The following KLF17 variants were observed in gnomAD, a reference collection of about 807,000 sequenced individuals.
KLF17 encodes the protein Krueppel-like factor 17.
KLF17 carries 31 observed loss-of-function variants against 34.2 expected under a neutral mutation model. The ratio of observed to expected loss-of-function variants is 0.91; its 90% confidence interval spans 0.68 to 1.22. KLF17 has a LOEUF of 1.22. KLF17 is among the 50% of genes most tolerant of loss of function. The pLI is 0.00. For synonymous variants in KLF17, 179 were observed against 186.7 expected, an observed-to-expected ratio of 0.96 and a Z score of 0.34; for missense variants, 478 against 505.2, an observed-to-expected ratio of 0.95 and a Z score of 0.52.
Position 44,130,041 on chromosome 1 carries a change from C to G in KLF17, c.770C>G (p.Pro257Arg). Residue 257 changes from proline (P) to arginine (R), a missense_variant, in exon 2 of 4, where the codon CCT (proline) becomes CGT (arginine). By Grantham distance (103) the Pro-to-Arg change is moderately radical. Coordinates refer to ENST00000372299, the MANE Select transcript of KLF17 (RefSeq NM_173484.4). ...EGPFLPEQPG[P>R]APQTVEKNSR... ...CCATTTCTACCAGAGCAGCCCGGAC[C>G]TGCTCCACAGACAGTAGAGAAGAAC... 1.9e-6 allele frequency: 3 copies of G among 1,614,246 alleles called. No individual in the cohort carries two copies. The highest frequency in any genetic ancestry group is 2.5e-6 in the Non-Finnish European group (3 of 1,180,046).
At chr1:44,126,779 C>T (rs1233402184) in intron 1 of KLF17, among the ~76,000 whole-genome samples, 1 of 152,026 alleles carries the variant, frequency 6.6e-6, no homozygotes, top group Admixed American at 6.6e-5. Context: ...TAGAGGCACA[C>T]GTTGTTATTA....
chr1:44,058,247 C>T, the KLF17 span, among the ~76,000 whole-genome samples: 29 of 152,244 alleles, frequency 1.9e-4, 2 homozygotes, highest in Non-Finnish European at 3.4e-4. Context: ...TGTTAGGAGA[C>T]CTCAGAGGCC....
intron 2 of KLF17, 58 bp from the exon 3 acceptor site, chr1:44,130,454 G>A (rs1242652474): frequency 3.1e-6 from 5 of 1,606,768 alleles, no homozygotes; most frequent in East Asian, 4.5e-5. Flanking sequence ...GCCTCACAGA[G>A]TTAGACCCCT....
chr1:44,108,212 C>T, the KLF17 span, among the ~76,000 whole-genome samples: 1 of 152,188 alleles, frequency 6.6e-6, no homozygotes, highest in Non-Finnish European at 1.5e-5. Context: ...TATATGCGTG[C>T]TGGGAATTCA....
At chr1:44,045,299 A>G in the KLF17 span, 1 of 152,218 alleles carries the variant, frequency 6.6e-6, no homozygotes, top group Non-Finnish European at 1.5e-5. Context: ...CTGCCCTGGG[A>G]GCTAATCTAC....
the KLF17 span, among the ~76,000 whole-genome samples, chr1:44,109,928 GA>G: frequency 2.9e-5 from 4 of 139,952 alleles, no homozygotes; most frequent in Non-Finnish European, 6.1e-5. Context: ...TTGCGGGGGG[GA>G]CAGAGTCTCA....
chr1:44,086,446 A>G, the KLF17 span, among the ~76,000 whole-genome samples: 1 of 151,984 alleles, frequency 6.6e-6, no homozygotes, highest in Non-Finnish European at 1.5e-5. Context: ...AGCCTGGGCA[A>G]CAAGAGTGAA....
chr1:44,105,257 G>A, the KLF17 span, among the ~76,000 whole-genome samples: 492 of 152,272 alleles, frequency 3.2e-3, 2 homozygotes, highest in African/African-American at 0.011. Flanking sequence ...GGGAAGTCTC[G>A]TATGGATGAA....
chr1:44,068,112 C>T, the KLF17 span, among the ~76,000 whole-genome samples: 1 of 151,122 alleles, frequency 6.6e-6, no homozygotes, highest in African/African-American at 2.4e-5. Flanking sequence ...ATAATCTCCG[C>T]CCCCTGGGTT....
the KLF17 span, among the ~76,000 whole-genome samples, chr1:44,045,450 T>G: frequency 1.3e-5 from 2 of 152,218 alleles, no homozygotes; most frequent in African/African-American, 2.4e-5. Context: ...CTGACTTCTC[T>G]TCTGCCAAGC....
At chr1:44,079,235 A>T in the KLF17 span, among the ~76,000 whole-genome samples, 1 of 151,756 alleles carries the variant, frequency 6.6e-6, no homozygotes, top group South Asian at 2.1e-4. Flanking sequence ...TGCCTGTATT[A>T]TTCGGAGTTC....
intron 1 of KLF17, among the ~76,000 whole-genome samples, chr1:44,123,440 T>C (rs1337553780): frequency 1.3e-5 from 2 of 152,240 alleles, no homozygotes; most frequent in Non-Finnish European, 2.9e-5. Flanking sequence ...TATAATCCTT[T>C]TTACTTCTGT....
the KLF17 span, among the ~76,000 whole-genome samples, chr1:44,077,769 C>T: frequency 6.6e-6 from 1 of 152,258 alleles, no homozygotes; most frequent in South Asian, 2.1e-4. Context: ...GCTTCAAAGG[C>T]GAGTGTCCCA....
chr1:44,107,520 A>C, the KLF17 span, among the ~76,000 whole-genome samples: 4 of 152,222 alleles, frequency 2.6e-5, no homozygotes, highest in Non-Finnish European at 5.9e-5. Flanking sequence ...CAAACAATTC[A>C]TAAATTTTAA....
At chr1:44,047,832 A>G in the KLF17 span, 18 of 152,184 alleles carry the variant, frequency 1.2e-4, no homozygotes, top group Admixed American at 1.2e-3. Flanking sequence ...GCCATACTGC[A>G]ACACATTGGC....
chr1:44,122,582 A>C, intron 1 of KLF17: 1 of 738,480 alleles, frequency 1.4e-6, no homozygotes, highest in Non-Finnish European at 2.5e-6. Flanking sequence ...GACCGACTGC[A>C]GTATGAATGG....
At chr1:44,083,718 C>G in the KLF17 span, among the ~76,000 whole-genome samples, 1 of 144,796 alleles carries the variant, frequency 6.9e-6, no homozygotes, top group Non-Finnish European at 1.5e-5. Flanking sequence ...CCTTTGAAGA[C>G]GGGAGTTGGA....
At chr1:44,113,186 A>C in the KLF17 span, among the ~76,000 whole-genome samples, 1 of 152,170 alleles carries the variant, frequency 6.6e-6, no homozygotes, top group Non-Finnish European at 1.5e-5. Context: ...GGATTTCTTG[A>C]GCCCAAGAGT....
intron 1 of KLF17, among the ~76,000 whole-genome samples, chr1:44,123,835 G>T (rs1411191439): frequency 6.6e-6 from 1 of 151,204 alleles, no homozygotes; most frequent in Non-Finnish European, 1.5e-5. Context: ...GTTTCAGAGA[G>T]TGCTATTTAA....
Sources: allele counts gnomAD v4.1 joint callset (sites outside exome capture counted in the v4.1 genomes callset), GRCh38; gene constraint gnomAD v4.1.1; transcripts MANE v1.5; gene names NCBI Gene and HGNC (gene_info 2026-07-23, HGNC 2026-07-21).